The following CNTNAP2 variants were observed in gnomAD, a reference collection of about 807,000 sequenced individuals.
CNTNAP2 encodes contactin-associated protein-like 2.
A neutral mutation model predicts 155.2 loss-of-function variants in CNTNAP2; 98 were observed. The ratio of observed to expected loss-of-function variants is 0.63; its 90% CI spans 0.54 to 0.75. CNTNAP2 has a LOEUF of 0.75. Ranked by LOEUF, CNTNAP2 falls within the 30% of genes least tolerant of loss-of-function variation. The probability of loss-of-function intolerance (pLI) is 0.00; values close to 1 mark genes in which losing one functional copy is unlikely to be tolerated. For synonymous variants in CNTNAP2, 651 were observed against 631.2 expected, an observed-to-expected ratio of 1.03 and a Z score of -0.47; for missense variants, 1,727 against 1,688.1, an observed-to-expected ratio of 1.02 and a Z score of -0.40.
Position 147,685,221 on chromosome 7 carries a change from G to A in CNTNAP2, c.2098+45915G>A, listed in dbSNP as rs142903248. On this transcript the variant is annotated intron_variant, in intron 13 of 23. Transcript: ENST00000361727. ...ATCAGCATTCCTGAACTTGCGTATA[G>A]AGACGTTTGTTTTCTTTTCCCACCT... Among the ~76,000 whole-genome samples, 500 of 152,054 alleles carry A rather than the reference G, an allele frequency of 3.3e-3. 3 individuals are homozygous for A. The highest frequency in any genetic ancestry group is 0.012 in the African/African-American group (481 of 41,508).
Position 146,934,258 on chromosome 7 carries a change from G to C in CNTNAP2, c.402+94354G>C, listed in dbSNP as rs529362481. Among the ~76,000 whole-genome samples, 371 of 152,178 alleles carry C rather than the reference G, an allele frequency of 2.4e-3. 1 individual carries two copies. The highest frequency in any genetic ancestry group is 5.8e-3 in the South Asian group (28 of 4,820). ...CATATACACCATGGAATACTATGCA[G>C]CCATAAGAAATGATGAGTTCATGTC... On this transcript the variant is annotated intron_variant, in intron 3 of 23. Coordinates refer to ENST00000361727, the MANE Select transcript of CNTNAP2 (RefSeq NM_014141.6).
At chr7:146,262,031 T>A (rs1799926431) in intron 1 of CNTNAP2, among the ~76,000 whole-genome samples, 1 of 152,194 alleles carries the variant, frequency 6.6e-6, no homozygotes, top group Non-Finnish European at 1.5e-5. Flanking sequence ...CTTTTATTGT[T>A]CTGCTTGGAA....
At chr7:146,875,897 T>TAC (rs1216351375) in intron 3 of CNTNAP2, among the ~76,000 whole-genome samples, 2 of 100,818 alleles carry the variant, frequency 2.0e-5, no homozygotes, top group African/African-American at 8.6e-5. Context: ...CACACACACA[T>TAC]ACACACACGC....
intron 10 of CNTNAP2, among the ~76,000 whole-genome samples, chr7:147,468,279 C>CA (rs897747475): frequency 4.0e-5 from 6 of 151,646 alleles, no homozygotes; most frequent in Admixed American, 1.3e-4. Flanking sequence ...GACCCTGTCT[C>CA]AAAAAAAAGA....
intron 14 of CNTNAP2, among the ~76,000 whole-genome samples, chr7:147,906,764 G>A (rs1441872836): frequency 1.3e-5 from 2 of 151,942 alleles, no homozygotes; most frequent in South Asian, 2.1e-4. Context: ...CCAGTCACAA[G>A]ATTGATTTTT....
chr7:147,635,572 G>T (rs1484650421), intron 12 of CNTNAP2, among the ~76,000 whole-genome samples: 4 of 152,188 alleles, frequency 2.6e-5, no homozygotes, highest in Non-Finnish European at 4.4e-5. Context: ...ATAATGCATA[G>T]GGGTTTGATA....
At chr7:147,061,431 A>G (rs1426677615) in intron 4 of CNTNAP2, among the ~76,000 whole-genome samples, 1 of 152,224 alleles carries the variant, frequency 6.6e-6, no homozygotes, top group Non-Finnish European at 1.5e-5. Context: ...CCCTTTATTT[A>G]TCAGTTTTAA....
chr7:147,657,321 T>C (rs1329349130), intron 13 of CNTNAP2, among the ~76,000 whole-genome samples: 2 of 151,966 alleles, frequency 1.3e-5, no homozygotes, highest in African/African-American at 4.8e-5. Context: ...AAAATAAAAA[T>C]GAAGTGTAAT....
chr7:146,784,144 G>T (rs1466053556), intron 2 of CNTNAP2, among the ~76,000 whole-genome samples: 1 of 152,136 alleles, frequency 6.6e-6, no homozygotes, highest in African/African-American at 2.4e-5. Flanking sequence ...CTTTTGAGAT[G>T]AAGAATTTTT....
intron 13 of CNTNAP2, among the ~76,000 whole-genome samples, chr7:147,726,795 C>T (rs1445269009): frequency 6.6e-6 from 1 of 151,900 alleles, no homozygotes; most frequent in Non-Finnish European, 1.5e-5. Flanking sequence ...GAAATAACTT[C>T]AACAGTTTTT....
chr7:148,409,355 C>G lies in CNTNAP2; in HGVS notation c.3716-36C>G. The G allele has an allele frequency of 2.0e-6, 3 of 1,495,904 alleles. No homozygotes were observed. The South Asian group carries it at 3.4e-5, about 17-fold the overall frequency. 92.7% of individuals were successfully genotyped at this position (1,495,904 alleles called of 1,614,324 possible). On this transcript the variant is annotated intron_variant, in intron 22 of 23. Coordinates refer to ENST00000361727, the MANE Select transcript of CNTNAP2 (RefSeq NM_014141.6). Reference sequence around the variant, plus strand: ...CAAATTATTTGGGATCAATAGTATACTTGACTCTGACACTTGACTCTTTCT... The same window carrying G: ...CAAATTATTTGGGATCAATAGTATAGTTGACTCTGACACTTGACTCTTTCT...
At chr7:148,102,501 T>C (rs1197241816) in intron 15 of CNTNAP2, among the ~76,000 whole-genome samples, 1 of 152,234 alleles carries the variant, frequency 6.6e-6, no homozygotes, top group African/African-American at 2.4e-5. Context: ...GTAATGGGAT[T>C]GCTGGGTTGA....
At chr7:146,254,830 G>A (rs111395752) in intron 1 of CNTNAP2, among the ~76,000 whole-genome samples, 3,047 of 152,168 alleles carry the variant, frequency 0.02, 90 homozygotes, top group African/African-American at 0.067. Flanking sequence ...TATTCAAGCT[G>A]TAATCACTGA....
intron 13 of CNTNAP2, among the ~76,000 whole-genome samples, chr7:147,858,428 C>G (rs995696220): frequency 6.6e-6 from 1 of 152,186 alleles, no homozygotes; most frequent in Non-Finnish European, 1.5e-5. Flanking sequence ...ATAAAGCTTT[C>G]CAGTGCTAAA....
At chr7:148,379,739 C>A (rs1200672967) in intron 21 of CNTNAP2, among the ~76,000 whole-genome samples, 2 of 152,090 alleles carry the variant, frequency 1.3e-5, no homozygotes, top group Non-Finnish European at 2.9e-5. Context: ...AAATCCCTGT[C>A]CAAATAAATA....
intron 15 of CNTNAP2, chr7:148,056,586 T>C (rs1282177463): frequency 1.3e-5 from 2 of 152,256 alleles, no homozygotes; most frequent in African/African-American, 4.8e-5. Flanking sequence ...TCCATCTGTC[T>C]TTGTTGCAAC....
At chr7:147,269,664 G>A (rs1296809051) in intron 8 of CNTNAP2, among the ~76,000 whole-genome samples, 5 of 152,180 alleles carry the variant, frequency 3.3e-5, no homozygotes, top group African/African-American at 1.2e-4. Context: ...ATTTTCCCGA[G>A]CAAGGATTAT....
intron 9 of CNTNAP2, among the ~76,000 whole-genome samples, chr7:147,302,508 C>T (rs1183473989): frequency 1.3e-5 from 2 of 152,296 alleles, no homozygotes; most frequent in East Asian, 1.9e-4. Flanking sequence ...CTAATGATCA[C>T]GATGCTTGTT....
intron 1 of CNTNAP2, among the ~76,000 whole-genome samples, chr7:146,599,514 A>G (rs1375122771): frequency 1.3e-5 from 2 of 151,936 alleles, no homozygotes; most frequent in African/African-American, 2.4e-5. Flanking sequence ...TTATGTCTAT[A>G]CCTAAATATA....
Sources: gnomAD v4.1 joint callset for allele counts (sites outside exome capture counted in the v4.1 genomes callset) on GRCh38, gnomAD v4.1.1 for gene constraint, MANE v1.5 for transcripts, NCBI Gene and HGNC (gene_info 2026-07-23, HGNC 2026-07-21) for gene names.